The following LMTK2 variants were observed in gnomAD, a reference collection of about 807,000 sequenced individuals.
LMTK2 encodes the protein lemur tail kinase 2.
A neutral mutation model predicts 127.5 loss-of-function variants in LMTK2; 37 were observed. That is an observed-to-expected ratio of 0.29 (90% CI 0.22 to 0.38). The LOEUF is 0.38. LMTK2 is among the 10% of genes least tolerant of loss of function. The pLI is 1.00. For synonymous variants in LMTK2, 819 were observed against 810.1 expected (o/e 1.01, Z -0.19); for missense variants, 1,694 against 1,920.3 (o/e 0.88, Z 2.20).
Position 98,204,070 on chromosome 7 carries a change from G to A in LMTK2, c.4367G>A (p.Arg1456Gln), listed in dbSNP as rs749933053. Residue 1456 changes from arginine to glutamine, a missense_variant, in exon 13 of 14, where the codon CGG (arginine) becomes CAG (glutamine). Around this residue, in one of 8 missense-constraint regions of LMTK2, gnomAD observed 554 missense variants for 567.7 expected, o/e 0.98. Transcript: ENST00000297293. ...TACTTTTCTCCGCCGCCACCGGCCCGGAGCACGGAGCAGAGCTGGCCGCAC... is the reference window on the plus strand; with the variant it reads ...TACTTTTCTCCGCCGCCACCGGCCCAGAGCACGGAGCAGAGCTGGCCGCAC... ...SKYFSPPPPARSTEQSWPHSA... is the reference protein window; with the variant it reads ...SKYFSPPPPAQSTEQSWPHSA... 1.7e-5 allele frequency: 27 copies of A among 1,613,746 alleles called. No individual in the cohort carries two copies. The highest frequency in any genetic ancestry group is 1.2e-4 in the Admixed American group (7 of 60,012).
intron 3 of LMTK2, among the ~76,000 whole-genome samples, chr7:98,149,980 T>C (rs1242728294): frequency 3.9e-5 from 6 of 152,084 alleles, no homozygotes; most frequent in Non-Finnish European, 7.4e-5. Flanking sequence ...TGCATAGATA[T>C]GTCACCTCAG....
At chr7:98,184,012 C>A (rs1292493805) in intron 7 of LMTK2, among the ~76,000 whole-genome samples, 1 of 152,102 alleles carries the variant, frequency 6.6e-6, no homozygotes, top group Non-Finnish European at 1.5e-5. Context: ...GAGACTGAGG[C>A]AAGTTTTAAG....
At chr7:98,111,716 G>A (rs550048416) in intron 1 of LMTK2, among the ~76,000 whole-genome samples, 1 of 152,304 alleles carries the variant, frequency 6.6e-6, no homozygotes, top group East Asian at 1.9e-4. Context: ...TTGACTAATG[G>A]CAGGTGGTAT....
chr7:98,147,103 G>C (rs1562905186), intron 3 of LMTK2, among the ~76,000 whole-genome samples: 1 of 152,132 alleles, frequency 6.6e-6, no homozygotes, highest in East Asian at 1.9e-4. Flanking sequence ...TTGAGTAATT[G>C]GTTGTTAATC....
chr7:98,164,309 C>G (rs1366366943), intron 6 of LMTK2, among the ~76,000 whole-genome samples: 1 of 152,166 alleles, frequency 6.6e-6, no homozygotes, highest in Non-Finnish European at 1.5e-5. Context: ...ACTCACTCAA[C>G]AAAAATGGAT....
intron 11 of LMTK2, among the ~76,000 whole-genome samples, chr7:98,198,104 C>G (rs912735309): frequency 6.6e-6 from 1 of 150,376 alleles, no homozygotes; most frequent in African/African-American, 2.5e-5. Context: ...TTGATTTCTG[C>G]TTTGTCTTTA....
chr7:98,154,640 TAGA>T lies in LMTK2; in HGVS notation c.451-115_451-113del, dbSNP rs529415071. 2.1e-4 allele frequency: 139 copies of T among 670,024 alleles called. No individual in the cohort carries two copies. The African/African-American group carries it at 2.4e-3, about 12-fold the overall frequency. 41.5% of individuals were successfully genotyped at this position (670,024 alleles called of 1,614,324 possible). A position where few individuals can be genotyped will look rare whatever the true frequency, so the allele number is the denominator to read the frequency against. ...TTTGGTGAGGTGGTAAGTAAAAGAATAGAAGGTCACCTGCTTATTGCTTAACTT... is the reference window on the plus strand; with the variant it reads ...TTTGGTGAGGTGGTAAGTAAAAGAATAGGTCACCTGCTTATTGCTTAACTT... On this transcript the variant is annotated intron_variant, in intron 4 of 13. Coordinates refer to ENST00000297293, the MANE Select transcript of LMTK2 (RefSeq NM_014916.4).
intron 2 of LMTK2, among the ~76,000 whole-genome samples, chr7:98,139,011 C>T (rs77336245): frequency 1.3e-3 from 201 of 152,280 alleles, no homozygotes; most frequent in African/African-American, 4.7e-3. Flanking sequence ...GCTGATGGTC[C>T]GTGGAAGTCA....
chr7:98,136,517 A>T lies in LMTK2; in HGVS notation c.104-798A>T, dbSNP rs112775763. On this transcript the variant is annotated intron_variant, in intron 1 of 13. Transcript: ENST00000297293. ...TTAACCTGTGTCTACAGACTCTACT[A>T]CTCCTCCCTCCAGGAAGTACAGCTT... Among the ~76,000 whole-genome samples the T allele has an allele frequency of 6.7e-3, 1,023 of 151,678 alleles. 9 individuals carry two copies. Among genetic ancestry groups the T allele is most frequent in the Middle Eastern group, 0.027 (8 of 294 alleles).
At chr7:98,141,883 C>G (rs1038290036) in intron 3 of LMTK2, among the ~76,000 whole-genome samples, 2 of 152,264 alleles carry the variant, frequency 1.3e-5, no homozygotes, top group Admixed American at 1.3e-4. Context: ...CTGCTGGCTT[C>G]CACTGGGATG....
chr7:98,122,983 C>T (rs963849619), intron 1 of LMTK2, among the ~76,000 whole-genome samples: 1 of 151,618 alleles, frequency 6.6e-6, no homozygotes, highest in Non-Finnish European at 1.5e-5. Flanking sequence ...TTTTCCTTCC[C>T]CCTTGATCTA....
At chr7:98,170,448 G>T (rs1049733481) in intron 6 of LMTK2, among the ~76,000 whole-genome samples, 1 of 152,144 alleles carries the variant, frequency 6.6e-6, no homozygotes, top group South Asian at 2.1e-4. Flanking sequence ...ATTCTGGGAG[G>T]TATTTGATAA....
intron 6 of LMTK2, among the ~76,000 whole-genome samples, chr7:98,166,758 G>T (rs957319819): frequency 3.9e-5 from 6 of 152,228 alleles, no homozygotes; most frequent in African/African-American, 7.2e-5. Context: ...TGTAGCCTCA[G>T]GGTGCAGTAG....
At chr7:98,173,336 A>C (rs1180864650) in intron 7 of LMTK2, among the ~76,000 whole-genome samples, 1 of 151,708 alleles carries the variant, frequency 6.6e-6, no homozygotes, top group Non-Finnish European at 1.5e-5. Flanking sequence ...TCAAAAAGTT[A>C]CCAGTTTCTT....
At chr7:98,140,295 C>A (rs1452116245) in intron 2 of LMTK2, among the ~76,000 whole-genome samples, 2 of 151,576 alleles carry the variant, frequency 1.3e-5, no homozygotes, top group African/African-American at 4.9e-5. Context: ...AGTAGTCCTG[C>A]GCCACCATGC....
intron 3 of LMTK2, among the ~76,000 whole-genome samples, chr7:98,145,371 A>T (rs770199511): frequency 9.9e-5 from 15 of 151,762 alleles, no homozygotes; most frequent in Non-Finnish European, 1.3e-4. Context: ...TTTTTTTTAG[A>T]GTATGAAATT....
In LMTK2 at chr7:98,144,131, A is replaced by G. The variant is rs193058803; in HGVS notation, c.376+2590A>G. Among the ~76,000 whole-genome samples, 19 of 152,270 alleles carry G rather than the reference A, an allele frequency of 1.2e-4. No homozygotes were observed. In the East Asian group the frequency reaches 3.5e-3, roughly 28 times the overall value. On this transcript the variant is annotated intron_variant, in intron 3 of 13. Transcript: ENST00000297293. Reference sequence around the variant, plus strand: ...CTTGGTTCAAAAACCATAACATTACAAAAAATATATATGTTTAGGCTGGGA... The same window carrying G: ...CTTGGTTCAAAAACCATAACATTACGAAAAATATATATGTTTAGGCTGGGA...
chr7:98,189,653 G>A (rs1361454430), intron 9 of LMTK2, among the ~76,000 whole-genome samples: 3 of 152,178 alleles, frequency 2.0e-5, no homozygotes, highest in African/African-American at 4.8e-5. Context: ...GCAGTGCGTG[G>A]TGGGGAGGAA....
Position 98,164,085 on chromosome 7 carries a change from A to G in LMTK2, c.657+4660A>G, listed in dbSNP as rs147327876. Among the ~76,000 whole-genome samples the G allele has an allele frequency of 1.8e-3, 281 of 152,362 alleles. 5 individuals are homozygous for G. The highest frequency in any genetic ancestry group is 0.017 in the Admixed American group (259 of 15,308). On this transcript the variant is annotated intron_variant, in intron 6 of 13. Transcript: ENST00000297293. ...ATTAACCAGCCTGTTTTTAAAAGGC[A>G]CTTAATCATGGAATTTTTATGAAAG...
Sources: gnomAD v4.1 joint callset for allele counts (sites outside exome capture counted in the v4.1 genomes callset) on GRCh38, gnomAD v4.1.1 for gene constraint, gnomAD v4.1.1 regional missense constraint, MANE v1.5 for transcripts, NCBI Gene and HGNC (gene_info 2026-07-23, HGNC 2026-07-21) for gene names.